PYY: variants seen among roughly 807,000 people sequenced by gnomAD.
PYY encodes the protein peptide YY.
Under a neutral mutation model 10.3 loss-of-function variants are expected in PYY, and 12 were observed. The ratio of observed to expected loss-of-function variants is 1.17; its 90% CI spans 0.75 to 1.89. PYY has a LOEUF of 1.89. PYY is among the 40% of genes most tolerant of loss of function. The pLI is 0.00. For missense variants in PYY, 141 were observed against 134.0 expected (o/e 1.05, Z -0.26); for synonymous variants, 66 against 62.0 (o/e 1.06, Z -0.30).
At chr17:43,977,525 C>T (rs901348166) in intron 1 of PYY, among the ~76,000 whole-genome samples, 3 of 152,140 alleles carry the variant, frequency 2.0e-5, no homozygotes, top group Non-Finnish European at 2.9e-5. Context: ...CCGCCCAACA[C>T]TGGCACTGCT....
At chr17:43,999,838 T>G (rs981730949) in intron 1 of PYY, among the ~76,000 whole-genome samples, 2 of 151,820 alleles carry the variant, frequency 1.3e-5, no homozygotes, top group Admixed American at 6.6e-5. Flanking sequence ...GGTGGGAATT[T>G]TGATGATGGA....
upstream of PYY, among the ~76,000 whole-genome samples, chr17:43,955,709 G>A (rs1438354340): frequency 6.6e-6 from 1 of 152,184 alleles, no homozygotes; most frequent in Non-Finnish European, 1.5e-5. Flanking sequence ...GCCCCAGTAT[G>A]AGCGGTTCCC....
intron 1 of PYY, among the ~76,000 whole-genome samples, chr17:43,996,034 CA>C (rs2048990340): frequency 6.6e-6 from 1 of 151,992 alleles, no homozygotes; most frequent in Admixed American, 6.6e-5. Context: ...GAAAGAAATG[CA>C]GCCCATGACC....
At chr17:43,970,192 C>G (rs2048782109) in intron 1 of PYY, among the ~76,000 whole-genome samples, 1 of 117,900 alleles carries the variant, frequency 8.5e-6, no homozygotes, top group Non-Finnish European at 1.7e-5. Flanking sequence ...AAAACAAGAC[C>G]CTGTCTCTTA....
chr17:43,970,868 G>T (rs891030007), intron 1 of PYY, among the ~76,000 whole-genome samples: 4 of 152,196 alleles, frequency 2.6e-5, no homozygotes, highest in Admixed American at 2.6e-4. Context: ...ATGCCCTTGA[G>T]ATGACTCCAA....
chr17:43,983,185 T>C (rs958644261), intron 1 of PYY, among the ~76,000 whole-genome samples: 8 of 152,066 alleles, frequency 5.3e-5, no homozygotes, highest in African/African-American at 1.9e-4. Context: ...TGGGCCAAGG[T>C]CACGCCATTG....
chr17:43,964,445 G>A (rs1184651363), intron 2 of PYY, among the ~76,000 whole-genome samples: 1 of 152,196 alleles, frequency 6.6e-6, no homozygotes, highest in Non-Finnish European at 1.5e-5. Context: ...TGAGCATTAA[G>A]TTCAGTTATG....
chr17:43,976,319 A>ATATATG (rs2048844614), intron 1 of PYY, among the ~76,000 whole-genome samples: 1 of 56,184 alleles, frequency 1.8e-5, no homozygotes, highest in Non-Finnish European at 5.1e-5. Flanking sequence ...GTATATACAC[A>ATATATG]TATACATGTA....
chr17:43,980,337 T>C (rs1355967423), intron 1 of PYY, among the ~76,000 whole-genome samples: 1 of 151,706 alleles, frequency 6.6e-6, no homozygotes, highest in Non-Finnish European at 1.5e-5. Flanking sequence ...CTAATTTTTG[T>C]ATTTTTAGTA....
At chr17:43,970,333 C>A (rs1021615992) in intron 1 of PYY, among the ~76,000 whole-genome samples, 7 of 150,894 alleles carry the variant, frequency 4.6e-5, no homozygotes, top group African/African-American at 1.5e-4. Context: ...CATGAAAAAA[C>A]CCCATCTCTA....
intron 1 of PYY, among the ~76,000 whole-genome samples, chr17:44,001,735 G>T (rs1293034449): frequency 7.3e-6 from 1 of 136,556 alleles, no homozygotes; most frequent in Non-Finnish European, 1.6e-5. Context: ...CAGTCAGCAG[G>T]GACTGAATTG....
chr17:43,953,205 G>A lies in PYY; in HGVS notation c.189-16C>T, dbSNP rs753969388. The A allele has an allele frequency of 2.5e-6, 4 of 1,613,612 alleles. No homozygotes were observed. The highest frequency in any genetic ancestry group is 1.3e-5 in the African/African-American group (1 of 75,050). ...TTTCCCATACCTGGGGGCGGGGAAGGGAAGAGCGTGGTCAGATCTGGCCAC... is the reference window on the plus strand; with the variant it reads ...TTTCCCATACCTGGGGGCGGGGAAGAGAAGAGCGTGGTCAGATCTGGCCAC... On this transcript the variant is annotated splice_polypyrimidine_tract_variant and intron_variant, in intron 2 of 3. Coordinates refer to ENST00000692052, the MANE Select transcript of PYY (RefSeq NM_001394028.1).
upstream of PYY, among the ~76,000 whole-genome samples, chr17:43,955,771 C>T (rs2048667611): frequency 6.6e-6 from 1 of 152,032 alleles, no homozygotes; most frequent in African/African-American, 2.4e-5. Context: ...GGAGGGGAGA[C>T]AGCAGAAATC....
chr17:43,974,003 G>C (rs1028627472), intron 1 of PYY, among the ~76,000 whole-genome samples: 4 of 152,044 alleles, frequency 2.6e-5, no homozygotes, highest in African/African-American at 9.7e-5. Context: ...GGCCGACTCT[G>C]GAGCCGACCC....
chr17:44,001,168 C>G (rs2049024069), intron 1 of PYY, among the ~76,000 whole-genome samples: 1 of 152,184 alleles, frequency 6.6e-6, no homozygotes, highest in South Asian at 2.1e-4. Context: ...TGGCCAATTC[C>G]TGTCACATTC....
At chr17:43,997,469 C>T (rs190421188) in intron 1 of PYY, among the ~76,000 whole-genome samples, 45 of 152,288 alleles carry the variant, frequency 3.0e-4, no homozygotes, top group African/African-American at 1.1e-3. Context: ...TTGTACCTGA[C>T]ATGCTTAAGC....
Position 43,994,462 on chromosome 17 carries a change from T to A in PYY, c.-463+9929A>T, listed in dbSNP as rs183584049. On this transcript the variant is annotated intron_variant, in intron 1 of 6. Coordinates refer to the PYY transcript ENST00000360085. Reference sequence around the variant, plus strand: ...TTCTCTGTTTGAGCCGCAGCCACCGTGTAAGGTAGGGAGAGAAGCTTTCTC... The same window carrying A: ...TTCTCTGTTTGAGCCGCAGCCACCGAGTAAGGTAGGGAGAGAAGCTTTCTC... Among the ~76,000 whole-genome samples, 523 of 152,062 alleles carry A rather than the reference T, an allele frequency of 3.4e-3. 2 individuals carry two copies. Among genetic ancestry groups the A allele is most frequent in the Admixed American group, 0.01 (154 of 15,266 alleles).
intron 2 of PYY, among the ~76,000 whole-genome samples, chr17:43,960,768 T>G (rs1005999669): frequency 6.7e-6 from 1 of 150,162 alleles, no homozygotes. Context: ...CAGAATTGCT[T>G]GAACCCAGGA....
At chr17:43,989,298 C>T (rs1223460072) in intron 1 of PYY, among the ~76,000 whole-genome samples, 1 of 151,984 alleles carries the variant, frequency 6.6e-6, no homozygotes, top group African/African-American at 2.4e-5. Context: ...GGTGTGAACC[C>T]AGGAGGCAGA....
Sources: gnomAD v4.1 joint callset for allele counts (sites outside exome capture counted in the v4.1 genomes callset) on GRCh38, gnomAD v4.1.1 for gene constraint, MANE v1.5 for transcripts, NCBI Gene and HGNC (gene_info 2026-07-23, HGNC 2026-07-21) for gene names.